LVRN: variants seen among roughly 807,000 people sequenced by gnomAD.
The protein encoded by LVRN is aminopeptidase Q.
In LVRN, 99 loss-of-function variants were observed where a neutral mutation model predicts 111.4. That is an observed-to-expected ratio of 0.89 (90% CI 0.76 to 1.05). The LOEUF (loss-of-function observed/expected upper bound fraction) is 1.05, where lower values mean the gene tolerates loss of function less well. Among genes scored for constraint, LVRN ranks in the 50% least tolerant of loss-of-function variants. The probability of loss-of-function intolerance (pLI) is 0.00; values close to 1 mark genes in which losing one functional copy is unlikely to be tolerated. For synonymous variants in LVRN, 488 were observed against 449.5 expected (o/e 1.09, Z -1.08); for missense variants, 1,414 against 1,206.8 (o/e 1.17, Z -2.54).
chr5:116,013,800 G>T (rs1038416068), intron 15 of LVRN, among the ~76,000 whole-genome samples: 3 of 152,150 alleles, frequency 2.0e-5, no homozygotes, highest in African/African-American at 4.8e-5. Flanking sequence ...TTTATTATTG[G>T]TCTTCACTGT....
chr5:116,024,373 AAT>A (rs1748818366), intron 19 of LVRN, among the ~76,000 whole-genome samples: 1 of 152,156 alleles, frequency 6.6e-6, no homozygotes, highest in African/African-American at 2.4e-5. Flanking sequence ...AAAGGCCTGA[AAT>A]ATGATCCTAA....
At chr5:116,011,309 T>C (rs1748485051) in intron 14 of LVRN, among the ~76,000 whole-genome samples, 4 of 151,864 alleles carry the variant, frequency 2.6e-5, no homozygotes, top group Admixed American at 6.6e-5. Flanking sequence ...TTCTGACTCA[T>C]AGGAACAGCA....
chr5:116,000,505 T>C lies in LVRN; in HGVS notation c.1581+7T>C, dbSNP rs764416303. ...ATTTGTCAGTGCACTCAAGGTGAGT[T>C]TGCAAAATAGTCGTTACCTGGATGG... On this transcript the variant is annotated splice_region_variant and intron_variant, in intron 8 of 19. Coordinates refer to ENST00000357872, the MANE Select transcript of LVRN (RefSeq NM_173800.5). 5.2e-5 allele frequency: 84 copies of C among 1,613,996 alleles called. No homozygotes were observed. The highest frequency in any genetic ancestry group is 2.3e-4 in the Admixed American group (14 of 60,008).
At chr5:115,995,648 A>C (rs750017663) in intron 6 of LVRN, 2 of 152,226 alleles carry the variant, frequency 1.3e-5, no homozygotes, top group Non-Finnish European at 2.9e-5. Flanking sequence ...AACAACAATA[A>C]TACTGTATTT....
At chr5:116,000,705 G>T (rs760612444) in intron 9 of LVRN, 47 bp downstream of exon 9, 72 of 1,592,396 alleles carry the variant, frequency 4.5e-5, no homozygotes, top group Non-Finnish European at 6.0e-5. Flanking sequence ...TGTTTTGTAT[G>T]ATACAGGAAA....
intron 1 of LVRN, among the ~76,000 whole-genome samples, chr5:115,965,473 T>A (rs1329408483): frequency 6.6e-5 from 10 of 152,226 alleles, no homozygotes; most frequent in South Asian, 2.1e-4. Flanking sequence ...AAATTTTTAA[T>A]GAGCAAAAAT....
Position 115,984,728 on chromosome 5 carries a change from G to C in LVRN, c.978+19G>C, listed in dbSNP as rs1419486439. On this transcript the variant is annotated intron_variant, in intron 3 of 19. Coordinates refer to ENST00000357872, the MANE Select transcript of LVRN (RefSeq NM_173800.5). ...CAAGGAGGTGAGTGAGGAAGATTCT[G>C]TAGGTAAGGGAGATTGTACTGGCTG... 1 of 1,612,836 alleles carries C rather than the reference G, an allele frequency of 6.2e-7. No individual in the cohort carries two copies. The highest frequency in any genetic ancestry group is 8.5e-7 in the Non-Finnish European group (1 of 1,179,382).
intron 1 of LVRN, among the ~76,000 whole-genome samples, chr5:115,972,594 C>T (rs1290889460): frequency 2.0e-5 from 3 of 151,462 alleles, no homozygotes; most frequent in Non-Finnish European, 4.4e-5. Context: ...TTTTTCTTGC[C>T]TTATTTCAAT....
At chr5:116,003,991 A>G (rs1026236151) in intron 12 of LVRN, among the ~76,000 whole-genome samples, 3 of 152,208 alleles carry the variant, frequency 2.0e-5, no homozygotes, top group African/African-American at 7.2e-5. Context: ...TTGGCAAGTT[A>G]CTTAAATGTC....
rs1000665710 is a variant in LVRN at position 116,002,902 on chromosome 5, C to T, written c.1888C>T (p.Gln630Ter). Residue 630 changes from glutamine to a stop codon, truncating the protein, a stop_gained, in exon 11 of 20, where the codon CAA (glutamine) becomes TAA (stop). Transcript: ENST00000357872. LOFTEE classifies it high-confidence loss of function. ...TACACAACCTTTAGTCTGGCTAGAT[C>T]AAAGCAGCAGTAAGTAACAAATTTT... Reference protein sequence around the residue: ...GTTQPLVWLDQSSKVFPEMQV... With the variant: ...GTTQPLVWLD 3.7e-6 allele frequency: 6 copies of T among 1,604,372 alleles called. No individual in the cohort carries two copies. In the African/African-American group the frequency reaches 8.0e-5, roughly 21 times the overall value.
chr5:116,014,330 C>T lies in LVRN; in HGVS notation c.2343-90C>T. On this transcript the variant is annotated intron_variant, in intron 15 of 19. Transcript: ENST00000357872. ...CATTGAAAGGATATTTAAAAATACC[C>T]ATCTTTTTATGAAACACATATTCTT... The T allele has an allele frequency of 9.0e-6, 8 of 891,814 alleles. No homozygotes were observed. In the South Asian group the frequency reaches 9.8e-5, roughly 11 times the overall value. 55.2% of individuals were successfully genotyped at this position (891,814 alleles called of 1,614,324 possible). A position where few individuals can be genotyped will look rare whatever the true frequency, so the allele number is the denominator to read the frequency against.
At chr5:115,992,944 A>G (rs1485323408) in intron 5 of LVRN, among the ~76,000 whole-genome samples, 1 of 152,216 alleles carries the variant, frequency 6.6e-6, no homozygotes, top group African/African-American at 2.4e-5. Flanking sequence ...TGGCTCCATA[A>G]GAAGTTTTGG....
intron 13 of LVRN, among the ~76,000 whole-genome samples, chr5:116,008,767 G>T (rs987192844): frequency 2.6e-5 from 4 of 152,178 alleles, no homozygotes; most frequent in Non-Finnish European, 5.9e-5. Flanking sequence ...GGTGAGGAAG[G>T]TGCAGGAAAA....
Position 115,962,487 on chromosome 5 carries a change from C to T in LVRN, c.-131C>T. 1.2e-6 allele frequency: 1 copy of T among 827,692 alleles called. No individual in the cohort carries two copies. The highest frequency in any genetic ancestry group is 1.9e-6 in the Non-Finnish European group (1 of 518,044). 51.3% of individuals were successfully genotyped at this position (827,692 alleles called of 1,614,324 possible). On this transcript the variant is annotated 5_prime_UTR_variant, in exon 1 of 20. Coordinates refer to ENST00000357872, the MANE Select transcript of LVRN (RefSeq NM_173800.5). ...TCTGCTGAGCTCCAGTCCGTCCAGG[C>T]TCTTCCAGGAGGAAGAGGCACGATA... is the stretch of plus-strand genomic sequence containing the variant.
At chr5:115,989,062 C>A (rs558854329) in intron 4 of LVRN, among the ~76,000 whole-genome samples, 1 of 152,120 alleles carries the variant, frequency 6.6e-6, no homozygotes, top group Non-Finnish European at 1.5e-5. Context: ...TTTTCATCAT[C>A]ATCTCCACCA....
intron 1 of LVRN, chr5:115,974,874 A>C: frequency 2.4e-6 from 1 of 415,928 alleles, no homozygotes; most frequent in South Asian, 2.2e-5. Flanking sequence ...TCTCCCGACC[A>C]ATCTCTCTGT....
rs1748750455 is a variant in LVRN at position 116,022,464 on chromosome 5, G to A, written c.2830G>A (p.Glu944Lys). ...RTVTTDLQIVELQQFFSNMLE... is the reference protein window; with the variant it reads ...RTVTTDLQIVKLQQFFSNMLE... ...CGTAACTACAGATTTACAGATTGTG[G>A]AGGTAAGTACTTTAAATATTATGAA... Residue 944 changes from glutamate to lysine, a missense_variant and splice_region_variant, in exon 19 of 20, where the codon GAG becomes AAG. By Grantham distance (56) the Glu-to-Lys change is moderately conservative. Coordinates refer to ENST00000357872, the MANE Select transcript of LVRN (RefSeq NM_173800.5). The A allele has an allele frequency of 1.3e-6, 2 of 1,537,564 alleles. No homozygotes were observed. Among genetic ancestry groups the A allele is most frequent in the Non-Finnish European group, 1.8e-6 (2 of 1,127,406 alleles).
intron 6 of LVRN, among the ~76,000 whole-genome samples, chr5:115,995,981 T>C (rs77547147): frequency 0.08 from 12,167 of 152,088 alleles, 637 homozygotes; most frequent in East Asian, 0.19. Flanking sequence ...TGTCTTTATC[T>C]GCATACAGTA....
chr5:115,971,004 A>G (rs1753313561), intron 1 of LVRN, among the ~76,000 whole-genome samples: 1 of 152,204 alleles, frequency 6.6e-6, no homozygotes, highest in Non-Finnish European at 1.5e-5. Context: ...TAGTTGTTCC[A>G]AATCCTTACC....
Sources: allele counts gnomAD v4.1 joint callset (sites outside exome capture counted in the v4.1 genomes callset), GRCh38; gene constraint gnomAD v4.1.1; transcripts MANE v1.5; gene names NCBI Gene and HGNC (gene_info 2026-07-23, HGNC 2026-07-21).